PLXDC2: variants seen among roughly 807,000 people sequenced by gnomAD.
The protein encoded by PLXDC2 is plexin domain-containing protein 2.
A neutral mutation model predicts 68.9 loss-of-function variants in PLXDC2; 40 were observed. The observed-to-expected ratio is 0.58, with a 90% CI of 0.45 to 0.76. PLXDC2 has a LOEUF of 0.76. PLXDC2 is among the 30% of genes least tolerant of loss of function. The pLI, the probability that PLXDC2 is intolerant of heterozygous loss-of-function variation, is 0.00. For synonymous variants in PLXDC2, 243 were observed against 234.2 expected, an observed-to-expected ratio of 1.04 and a Z score of -0.34; for missense variants, 644 against 661.9, an observed-to-expected ratio of 0.97 and a Z score of 0.30.
chr10:20,027,692 G>GAAAA (rs60603741), intron 2 of PLXDC2, among the ~76,000 whole-genome samples: 2 of 142,464 alleles, frequency 1.4e-5, no homozygotes. Flanking sequence ...GGGACAACCT[G>GAAAA]AAAAAAAAAA....
At chr10:19,917,291 A>G (rs1833385446) in intron 1 of PLXDC2, among the ~76,000 whole-genome samples, 1 of 152,152 alleles carries the variant, frequency 6.6e-6, no homozygotes, top group South Asian at 2.1e-4. Context: ...TGGTACTGCT[A>G]TAACAACATT....
At chr10:20,277,363 G>GAGGC (rs1344218764) in intron 13 of PLXDC2, among the ~76,000 whole-genome samples, 2 of 152,062 alleles carry the variant, frequency 1.3e-5, no homozygotes, top group Non-Finnish European at 2.9e-5. Context: ...TTAGCAGAAG[G>GAGGC]AGGCAGAAGG....
intron 6 of PLXDC2, among the ~76,000 whole-genome samples, chr10:20,153,930 T>C (rs567375430): frequency 6.6e-6 from 1 of 152,276 alleles, no homozygotes; most frequent in Non-Finnish European, 1.5e-5. Flanking sequence ...TATCATACCA[T>C]AGCCTAATAT....
intron 9 of PLXDC2, among the ~76,000 whole-genome samples, chr10:20,205,977 G>A (rs1834985902): frequency 2.0e-5 from 3 of 151,752 alleles, no homozygotes; most frequent in Admixed American, 1.3e-4. Flanking sequence ...TGACTATATT[G>A]TATATATAGT....
intron 9 of PLXDC2, among the ~76,000 whole-genome samples, chr10:20,190,158 C>A (rs1834745213): frequency 1.3e-5 from 2 of 151,838 alleles, no homozygotes; most frequent in South Asian, 4.1e-4. Context: ...TATATGTTAA[C>A]CAACTTTGGT....
At chr10:20,228,592 C>CAGGAAGGAAGGAAGGA (rs35952817) in intron 12 of PLXDC2, among the ~76,000 whole-genome samples, 1 of 139,690 alleles carries the variant, frequency 7.2e-6, no homozygotes, top group Non-Finnish European at 1.5e-5. Flanking sequence ...GGCAGGAAGG[C>CAGGAAGGAAGGAAGGA]AGGAAGGAAG....
chr10:20,144,799 T>A (rs562796967), intron 5 of PLXDC2, among the ~76,000 whole-genome samples: 1 of 152,300 alleles, frequency 6.6e-6, no homozygotes, highest in South Asian at 2.1e-4. Flanking sequence ...CACTAGGTGA[T>A]GTTAGGGTCA....
chr10:19,882,723 A>G (rs1214674808), intron 1 of PLXDC2, among the ~76,000 whole-genome samples: 1 of 152,232 alleles, frequency 6.6e-6, no homozygotes, highest in Non-Finnish European at 1.5e-5. Flanking sequence ...ACAGTAGCAT[A>G]TGTCAGAAAG....
chr10:20,260,866 T>C (rs1260945222), intron 13 of PLXDC2, among the ~76,000 whole-genome samples: 1 of 152,212 alleles, frequency 6.6e-6, no homozygotes, highest in African/African-American at 2.4e-5. Context: ...TGTTATCTCT[T>C]GTCTTTTCAA....
chr10:20,056,084 G>A (rs1332094357), intron 3 of PLXDC2, among the ~76,000 whole-genome samples: 1 of 152,122 alleles, frequency 6.6e-6, no homozygotes, highest in Admixed American at 6.6e-5. Flanking sequence ...TAAATTCCCT[G>A]TCAATTTCAT....
At chr10:19,830,409 C>G (rs929462723) in intron 1 of PLXDC2, among the ~76,000 whole-genome samples, 3 of 152,194 alleles carry the variant, frequency 2.0e-5, no homozygotes, top group Non-Finnish European at 4.4e-5. Context: ...TTCTCTTATA[C>G]TCAGAGCACA....
chr10:20,236,422 G>C (rs1330266597), intron 12 of PLXDC2, among the ~76,000 whole-genome samples: 1 of 152,124 alleles, frequency 6.6e-6, no homozygotes, highest in Non-Finnish European at 1.5e-5. Context: ...TCCAGCCTGG[G>C]CCACAGAGCG....
intron 2 of PLXDC2, among the ~76,000 whole-genome samples, chr10:20,011,028 A>C (rs1488668588): frequency 6.6e-6 from 1 of 152,202 alleles, no homozygotes; most frequent in Non-Finnish European, 1.5e-5. Flanking sequence ...TATCAAACAT[A>C]CTCAGATGAA....
At position 19,943,528 on chromosome 10, in the gene PLXDC2, T is replaced by C. The variant is rs1833852585; in HGVS notation, c.113-58247T>C. On this transcript the variant is annotated intron_variant, in intron 1 of 13. Transcript: ENST00000377252. The stretch of plus-strand genomic sequence containing the variant: ...GCTTTAGCACATAAGCATAACCATA[T>C]ACTAATGGCATGGCTTTAATTTATT... Among the ~76,000 whole-genome samples, 2 of 152,202 alleles carry C rather than the reference T, an allele frequency of 1.3e-5. 1 individual carries two copies. The highest frequency in any genetic ancestry group is 4.1e-4 in the South Asian group (2 of 4,836).
chr10:20,128,427 A>G (rs1833821250), intron 4 of PLXDC2, among the ~76,000 whole-genome samples: 1 of 152,156 alleles, frequency 6.6e-6, no homozygotes, highest in Non-Finnish European at 1.5e-5. Context: ...TAGTGTTTTG[A>G]TATACATATA....
chr10:20,075,128 T>C (rs917455807), intron 4 of PLXDC2, among the ~76,000 whole-genome samples: 3 of 152,172 alleles, frequency 2.0e-5, no homozygotes, highest in African/African-American at 7.2e-5. Flanking sequence ...TTTGATAACT[T>C]ACTCCTCCCT....
At chr10:19,949,010 G>A (rs1421781389) in intron 1 of PLXDC2, among the ~76,000 whole-genome samples, 3 of 149,378 alleles carry the variant, frequency 2.0e-5, no homozygotes, top group Admixed American at 6.8e-5. Flanking sequence ...GGCACCTGTT[G>A]TCCCAGCTAC....
At chr10:19,958,061 T>G (rs945118233) in intron 1 of PLXDC2, among the ~76,000 whole-genome samples, 15 of 152,062 alleles carry the variant, frequency 9.9e-5, no homozygotes, top group African/African-American at 3.4e-4. Context: ...AGCTACAAGT[T>G]TAACTTGTTG....
At chr10:20,022,556 G>A (rs535434229) in intron 2 of PLXDC2, among the ~76,000 whole-genome samples, 24 of 152,124 alleles carry the variant, frequency 1.6e-4, no homozygotes, top group Non-Finnish European at 2.9e-4. Context: ...TGGGTAGCTT[G>A]ATCCTCAGAG....
Sources: allele counts gnomAD v4.1 joint callset (sites outside exome capture counted in the v4.1 genomes callset), GRCh38; gene constraint gnomAD v4.1.1; transcripts MANE v1.5; gene names NCBI Gene and HGNC (gene_info 2026-07-23, HGNC 2026-07-21).